MRTFB: variants seen among roughly 807,000 people sequenced by gnomAD.
The protein encoded by MRTFB is myocardin related transcription factor B, also known as myocardin-related transcription factor B.
MRTFB carries 29 observed loss-of-function variants against 104.2 expected under a neutral mutation model. The observed-to-expected ratio is 0.28, with a 90% CI of 0.21 to 0.38. The LOEUF is 0.38. Ranked by LOEUF, MRTFB falls within the 10% of genes least tolerant of loss-of-function variation. MRTFB has a pLI of 1.00. For missense variants in MRTFB, 1,270 were observed against 1,341.6 expected, an observed-to-expected ratio of 0.95 and a Z score of 0.83; for synonymous variants, 535 against 519.5, an observed-to-expected ratio of 1.03 and a Z score of -0.41.
intron 3 of MRTFB, among the ~76,000 whole-genome samples, chr16:14,168,827 G>T (rs1459517795): frequency 6.6e-6 from 1 of 152,162 alleles, no homozygotes; most frequent in Non-Finnish European, 1.5e-5. Context: ...AAATGTATGA[G>T]AGTTCCAGTT....
chr16:14,079,678 CTT>C (rs906250821), intron 2 of MRTFB, among the ~76,000 whole-genome samples: 19 of 152,046 alleles, frequency 1.2e-4, no homozygotes, highest in East Asian at 9.6e-4. Flanking sequence ...TCAGTGAATA[CTT>C]TTTTCTTAAA....
At chr16:14,176,918 G>C (rs1464464251) in intron 3 of MRTFB, among the ~76,000 whole-genome samples, 1 of 152,176 alleles carries the variant, frequency 6.6e-6, no homozygotes, top group East Asian at 1.9e-4. Flanking sequence ...AGAGTGTGCA[G>C]AGGAACAGAC....
chr16:14,203,424 A>G (rs948227605), intron 3 of MRTFB, among the ~76,000 whole-genome samples: 1 of 152,186 alleles, frequency 6.6e-6, no homozygotes, highest in African/African-American at 2.4e-5. Flanking sequence ...TCAGGGCCAG[A>G]GCCATGCTTT....
At chr16:14,051,924 A>T in the MRTFB span, among the ~76,000 whole-genome samples, 1 of 152,002 alleles carries the variant, frequency 6.6e-6, no homozygotes, top group South Asian at 2.1e-4. Flanking sequence ...CTCTCCCTGG[A>T]CTTCCCTTTA....
chr16:14,098,088 A>C (rs2035493236), intron 2 of MRTFB, among the ~76,000 whole-genome samples: 1 of 151,802 alleles, frequency 6.6e-6, no homozygotes, highest in African/African-American at 2.4e-5. Context: ...CTTCGTATGG[A>C]CTCTGTTATC....
chr16:14,055,508 C>A, the MRTFB span, among the ~76,000 whole-genome samples: 2 of 152,188 alleles, frequency 1.3e-5, no homozygotes, highest in Admixed American at 6.5e-5. Flanking sequence ...TCTCTTCCAG[C>A]CTCTGACAAT....
At chr16:14,002,955 G>A in the MRTFB span, among the ~76,000 whole-genome samples, 1 of 152,090 alleles carries the variant, frequency 6.6e-6, no homozygotes, top group African/African-American at 2.4e-5. Flanking sequence ...ACAGGACTCC[G>A]ACACCTTTCT....
At chr16:14,207,280 T>C (rs1046342769) in intron 3 of MRTFB, among the ~76,000 whole-genome samples, 1 of 152,254 alleles carries the variant, frequency 6.6e-6, no homozygotes, top group Admixed American at 6.5e-5. Flanking sequence ...TAGGGTTGTT[T>C]GGTTGCTTGT....
chr16:14,258,992 G>C (rs1245967836), intron 16 of MRTFB, among the ~76,000 whole-genome samples: 1 of 152,076 alleles, frequency 6.6e-6, no homozygotes, highest in Non-Finnish European at 1.5e-5. Context: ...AGTTTTATTT[G>C]AATTTTCAAA....
intron 3 of MRTFB, chr16:14,142,907 A>C (rs2038085196): frequency 6.6e-6 from 1 of 152,166 alleles, no homozygotes; most frequent in East Asian, 1.9e-4. Context: ...TAAAATTTTA[A>C]ATTTATTAAT....
Position 14,119,338 on chromosome 16 carries a change from T to C in MRTFB, c.-63-21206T>C, listed in dbSNP as rs1038623237. ...CCTCTGATTGGCTGAAACTAGGTGA[T>C]TGGCACAAGAGTAGGTTATAGTTTG... On this transcript the variant is annotated intron_variant, in intron 2 of 16. Coordinates refer to ENST00000571589, the MANE Select transcript of MRTFB (RefSeq NM_001308142.2). 4.6e-5 allele frequency among the ~76,000 whole-genome samples: 7 copies of C among 152,328 alleles called. No individual in the cohort carries two copies. In the East Asian group the frequency reaches 5.8e-4, roughly 13 times the overall value.
At chr16:14,097,738 C>T (rs552487331) in intron 2 of MRTFB, among the ~76,000 whole-genome samples, 88 of 152,318 alleles carry the variant, frequency 5.8e-4, no homozygotes, top group Middle Eastern at 3.4e-3. Context: ...CCTGCATGCT[C>T]CTTTGCCCCT....
intron 3 of MRTFB, among the ~76,000 whole-genome samples, chr16:14,162,143 C>A (rs2039061618): frequency 8.0e-6 from 1 of 125,422 alleles, no homozygotes; most frequent in African/African-American, 3.7e-5. Flanking sequence ...TAGGGAGACC[C>A]TGTCTCTACA....
chr16:14,023,845 G>A, the MRTFB span, among the ~76,000 whole-genome samples: 3 of 152,170 alleles, frequency 2.0e-5, no homozygotes, highest in Non-Finnish European at 2.9e-5. Flanking sequence ...GAGGTCAGGA[G>A]TTTAAGACCA....
At chr16:14,224,274 C>T (rs919835678) in intron 8 of MRTFB, among the ~76,000 whole-genome samples, 3 of 150,190 alleles carry the variant, frequency 2.0e-5, no homozygotes, top group African/African-American at 7.6e-5. Context: ...ATTATATCAG[C>T]ATTGTTTGAC....
intron 2 of MRTFB, among the ~76,000 whole-genome samples, chr16:14,102,335 G>C (rs2035747720): frequency 1.3e-5 from 2 of 152,138 alleles, no homozygotes; most frequent in South Asian, 4.1e-4. Flanking sequence ...TTCTAATCCT[G>C]ACTCTTAATC....
chr16:14,068,842 C>T (rs1350638097), upstream of MRTFB, among the ~76,000 whole-genome samples: 1 of 151,972 alleles, frequency 6.6e-6, no homozygotes, highest in Non-Finnish European at 1.5e-5. Flanking sequence ...GATCTGCCTT[C>T]ATCGCCATCA....
At chr16:14,074,042 T>G (rs2033890775) in intron 1 of MRTFB, among the ~76,000 whole-genome samples, 1 of 149,646 alleles carries the variant, frequency 6.7e-6, no homozygotes, top group African/African-American at 2.5e-5. Flanking sequence ...ATTTAACTCT[T>G]CTTTTAATAA....
At chr16:14,101,002 C>G (rs1042593952) in intron 2 of MRTFB, among the ~76,000 whole-genome samples, 7 of 151,996 alleles carry the variant, frequency 4.6e-5, no homozygotes, top group African/African-American at 1.7e-4. Context: ...TCTCAAAGAA[C>G]CAGCTTTTGG....
Sources: gnomAD v4.1 joint callset for allele counts (sites outside exome capture counted in the v4.1 genomes callset) on GRCh38, gnomAD v4.1.1 for gene constraint, MANE v1.5 for transcripts, NCBI Gene and HGNC (gene_info 2026-07-23, HGNC 2026-07-21) for gene names.